SAMD8: variants seen among roughly 807,000 people sequenced by gnomAD.
The protein encoded by SAMD8 is sterile alpha motif domain containing 8.
In SAMD8, 20 loss-of-function variants were observed where a neutral mutation model predicts 42.0. That is an observed-to-expected ratio of 0.48 (90% CI 0.34 to 0.69). The LOEUF (loss-of-function observed/expected upper bound fraction) is 0.69, where lower values mean the gene tolerates loss of function less well. Among genes scored for constraint, SAMD8 ranks in the 30% least tolerant of loss-of-function variants. The pLI is 0.01. For missense variants in SAMD8, 328 were observed against 511.6 expected (o/e 0.64, Z 3.46); for synonymous variants, 162 against 173.0 (o/e 0.94, Z 0.50).
At chr10:75,111,907 C>T in intron 1 of SAMD8, 185 bp downstream of exon 1, 1 of 690,910 alleles carries the variant, frequency 1.4e-6, no homozygotes. Flanking sequence ...TGGAGGTTGT[C>T]GAACTGAGGG....
intron 1 of SAMD8, chr10:75,104,209 C>A: frequency 1.5e-6 from 1 of 685,416 alleles, no homozygotes; most frequent in Non-Finnish European, 2.2e-6. Context: ...CTGCCTTGAG[C>A]CCTGTGCATA....
chr10:75,127,104 G>A (rs372442175), intron 1 of SAMD8, among the ~76,000 whole-genome samples: 4 of 150,474 alleles, frequency 2.7e-5, no homozygotes, highest in Admixed American at 1.3e-4. Context: ...CAGGAGAATC[G>A]CTTGAACCTG....
chr10:75,177,706 A>G lies in SAMD8; in HGVS notation c.*1014A>G, dbSNP rs1366633607. ...TCATTCTTGGCTGTTGGAAGTAAAC[A>G]GTCTCAGACATACTTGGATATGAAA... is the stretch of plus-strand genomic sequence containing the variant. On this transcript the variant is annotated 3_prime_UTR_variant, in exon 6 of 6. Coordinates refer to ENST00000542569, the MANE Select transcript of SAMD8 (RefSeq NM_001174156.2). 6.6e-6 allele frequency: 1 copy of G among 152,250 alleles called. No individual in the cohort carries two copies. The highest frequency in any genetic ancestry group is 1.5e-5 in the Non-Finnish European group (1 of 68,038). The allele number at this position is 152,250 out of a possible 1,614,324, so 9.4% of individuals were successfully genotyped here. A position where few individuals can be genotyped will look rare whatever the true frequency, so the allele number is the denominator to read the frequency against.
chr10:75,141,225 G>C (rs971819040), intron 1 of SAMD8, among the ~76,000 whole-genome samples: 5 of 151,960 alleles, frequency 3.3e-5, no homozygotes, highest in Non-Finnish European at 5.9e-5. Flanking sequence ...TGGTGCGCAT[G>C]CACCTGTGGT....
chr10:75,166,822 C>A (rs191672789), intron 3 of SAMD8, among the ~76,000 whole-genome samples: 9 of 152,272 alleles, frequency 5.9e-5, no homozygotes, highest in South Asian at 4.1e-4. Context: ...TTTAACAAAG[C>A]ATAGAGGTAA....
chr10:75,125,382 A>G (rs11817469), intron 1 of SAMD8: 7,486 of 152,334 alleles, frequency 0.049, 246 homozygotes, highest in South Asian at 0.093. Flanking sequence ...GGAGGCTGAG[A>G]CGGGAGGATC....
intron 2 of SAMD8, among the ~76,000 whole-genome samples, chr10:75,153,131 A>G (rs71473766): frequency 6.6e-6 from 1 of 151,674 alleles, no homozygotes; most frequent in Non-Finnish European, 1.5e-5. Flanking sequence ...ACAGGCACCC[A>G]CCACCACGAC....
At chr10:75,105,050 G>A (rs1848410767) in intron 1 of SAMD8, among the ~76,000 whole-genome samples, 1 of 152,216 alleles carries the variant, frequency 6.6e-6, no homozygotes, top group Non-Finnish European at 1.5e-5. Context: ...ACAGGCTTGA[G>A]GCGAGACAGG....
chr10:75,163,647 T>C (rs1191573699), intron 2 of SAMD8, among the ~76,000 whole-genome samples: 6 of 152,004 alleles, frequency 3.9e-5, no homozygotes, highest in Non-Finnish European at 7.4e-5. Context: ...TTGTTCACCA[T>C]GTTGCCCAGG....
chr10:75,169,632 G>A (rs1460987899), intron 4 of SAMD8, among the ~76,000 whole-genome samples: 9 of 151,526 alleles, frequency 5.9e-5, no homozygotes, highest in African/African-American at 2.2e-4. Context: ...AAATGTTGCC[G>A]GCCAGGTGCA....
In SAMD8 at chr10:75,176,609, G is replaced by A; in HGVS notation, c.1165G>A (p.Glu389Lys). 1 of 1,550,344 alleles carries A rather than the reference G, an allele frequency of 6.5e-7. No individual in the cohort carries two copies. Residue 389 changes from glutamate (E) to lysine (K), a missense_variant, in exon 6 of 6, where the codon GAA (glutamate) becomes AAA (lysine). This residue lies in a region of SAMD8 where 178 missense variants were observed against 325.6 expected (regional missense o/e 0.55). Coordinates refer to ENST00000542569, the MANE Select transcript of SAMD8 (RefSeq NM_001174156.2). The surrounding 1 kb of genome is among the most constrained non-coding windows in gnomAD (Gnocchi z 4.3). ...TTGGTTTCCCATGTTCTCTTTTTTT[G>A]AATGCAATGTTAATGGCACAGTACC... ...RIWFPMFSFF[E>K]CNVNGTVPNE...
chr10:75,168,938 C>T (rs1258252952), intron 4 of SAMD8, among the ~76,000 whole-genome samples: 3 of 151,376 alleles, frequency 2.0e-5, no homozygotes, highest in Admixed American at 6.6e-5. Context: ...TTTGGGAGGC[C>T]GAGGCGGGCG....
chr10:75,125,346 T>G (rs1458273337), intron 1 of SAMD8: 3 of 152,370 alleles, frequency 2.0e-5, no homozygotes, highest in African/African-American at 7.2e-5. Flanking sequence ...GGTGTGGTGG[T>G]TCACACCTGT....
intron 2 of SAMD8, 40 bp downstream of exon 2, chr10:75,151,146 C>A: frequency 9.7e-7 from 1 of 1,029,714 alleles, no homozygotes; most frequent in Non-Finnish European, 1.4e-6. Flanking sequence ...TAGGATGTTG[C>A]TATAATTAAC....
rs1197579918 is a variant in SAMD8 at position 75,106,016 on chromosome 10, C to T, written c.-16+6288C>T. On this transcript the variant is annotated intron_variant, in intron 1 of 3. Transcript: ENST00000447533. ...ACTCAGCCTTTATGGACCTCAGTTT[C>T]CTGATCGGTAAAATGGGTAGATCAA... is the stretch of plus-strand genomic sequence containing the variant. The T allele has an allele frequency of 4.2e-6, 3 of 710,866 alleles. No individual in the cohort carries two copies. In the East Asian group the frequency reaches 8.2e-5, roughly 19 times the overall value. 44.0% of individuals were successfully genotyped at this position (710,866 alleles called of 1,614,324 possible).
At chr10:75,134,984 C>G (rs1226639869) in intron 1 of SAMD8, among the ~76,000 whole-genome samples, 1 of 151,724 alleles carries the variant, frequency 6.6e-6, no homozygotes, top group Non-Finnish European at 1.5e-5. Context: ...TCACTTGAGC[C>G]CAGGGGTTTG....
rs1849097683 is a variant in SAMD8, at chr10:75,124,993, C to T, written c.-16+13271C>T. On this transcript the variant is annotated intron_variant, in intron 1 of 5. Coordinates refer to ENST00000542569, the MANE Select transcript of SAMD8 (RefSeq NM_001174156.2). ...ACAGAGATGGGATTTCACGATGTTG[C>T]CCAGGCTGGTTTTGAACTCCTGGCC... Among the ~76,000 whole-genome samples, 4 of 151,946 alleles carry T rather than the reference C, an allele frequency of 2.6e-5. No homozygotes were observed. In the South Asian group the frequency reaches 8.3e-4, roughly 32 times the overall value.
chr10:75,125,209 C>CAG (rs1849101899), intron 1 of SAMD8: 1 of 152,232 alleles, frequency 6.6e-6, no homozygotes. Context: ...CTCAGGTCCT[C>CAG]GTTTCCAAGA....
chr10:75,141,353 CAA>C (rs1183521701), intron 1 of SAMD8, among the ~76,000 whole-genome samples: 43 of 88,026 alleles, frequency 4.9e-4, no homozygotes, highest in Admixed American at 4.8e-4. Flanking sequence ...CACCCTGTCT[CAA>C]AAAAAAAAAA....
Sources: gnomAD v4.1 joint callset for allele counts (sites outside exome capture counted in the v4.1 genomes callset) on GRCh38, gnomAD v4.1.1 for gene constraint, gnomAD v4.1.1 regional missense constraint, Gnocchi (gnomAD v3.1) non-coding constraint, MANE v1.5 for transcripts, NCBI Gene and HGNC (gene_info 2026-07-23, HGNC 2026-07-21) for gene names.